PTPN23: variants seen among roughly 807,000 people sequenced by gnomAD.
PTPN23 encodes tyrosine-protein phosphatase non-receptor type 23.
In PTPN23, 72 loss-of-function variants were observed where a neutral mutation model predicts 156.3. The ratio of observed to expected loss-of-function variants is 0.46; its 90% CI spans 0.38 to 0.56. The LOEUF (loss-of-function observed/expected upper bound fraction) is 0.56, where lower values mean the gene tolerates loss of function less well. Among genes scored for constraint, PTPN23 ranks in the 20% least tolerant of loss-of-function variants. The pLI is 0.00. For missense variants in PTPN23, 1,974 were observed against 2,171.5 expected (o/e 0.91, Z 1.81); for synonymous variants, 957 against 899.6 (o/e 1.06, Z -1.14).
intron 15 of PTPN23, 54 bp from the exon 16 acceptor site, chr3:47,408,722 A>G: frequency 1.3e-6 from 2 of 1,543,014 alleles, no homozygotes; most frequent in South Asian, 1.3e-5. Flanking sequence ...GGAGGGGCCC[A>G]TGGGTGCCCG....
At position 47,412,954 on chromosome 3, in the gene PTPN23, G is replaced by C; in HGVS notation, c.4680G>C (p.Glu1560Asp). The C allele has an allele frequency of 6.2e-7, 1 of 1,604,408 alleles. No individual in the cohort carries two copies. Among genetic ancestry groups the C allele is most frequent in the Non-Finnish European group, 8.5e-7 (1 of 1,175,624 alleles). Reference sequence around the variant, plus strand: ...TACCTGAGGCTCCCCAGCCTAAGGAGGAGCCGCCAGTGCCTGAAGCCCCCA... The same window carrying C: ...TACCTGAGGCTCCCCAGCCTAAGGACGAGCCGCCAGTGCCTGAAGCCCCCA... ...SPLPEAPQPK[E>D]EPPVPEAPSS... Residue 1560 changes from glutamate to aspartate, a missense_variant, in exon 25 of 25, where the codon GAG (glutamate) becomes GAC (aspartate). Transcript: ENST00000265562.
rs764744006 is a variant in PTPN23 at position 47,406,775 on chromosome 3, G to T, written c.807+25G>T. The stretch of plus-strand genomic sequence containing the variant: ...GGTGAGCTACAGCGAGGAGGGGACT[G>T]GGGACCAATGGCAGCCTTCAGTGAG... On this transcript the variant is annotated intron_variant, in intron 9 of 24. Coordinates refer to ENST00000265562, the MANE Select transcript of PTPN23 (RefSeq NM_015466.4). This position sits in a 1 kb window ranked among gnomAD's most constrained non-coding sequence, Gnocchi z 5.8. 14 of 1,612,756 alleles carry T rather than the reference G, an allele frequency of 8.7e-6. No individual in the cohort carries two copies. The highest frequency in any genetic ancestry group is 1.1e-5 in the South Asian group (1 of 90,998).
Position 47,410,597 on chromosome 3 carries a change from G to A in PTPN23, c.2799G>A (p.Pro933=), listed in dbSNP as rs900689. ...CTGCAGGGGCTAAGCAACCCATCCCGGCACAGCACCACTTCTCTTCTGGGA... is the reference window on the plus strand; with the variant it reads ...CTGCAGGGGCTAAGCAACCCATCCCAGCACAGCACCACTTCTCTTCTGGGA... ...TYPAGAKQPI[P]AQHHFSSGIP... Residue 933 remains proline (P), a synonymous_variant, in exon 20 of 25, where the codon CCG becomes CCA. Coordinates refer to ENST00000265562, the MANE Select transcript of PTPN23 (RefSeq NM_015466.4). The A allele has an allele frequency of 0.99, 1,599,177 of 1,612,000 alleles. 793,876 individuals are homozygous for A. The highest frequency in any genetic ancestry group is 1 in the East Asian group (44,748 of 44,748).
At position 47,404,657 on chromosome 3, in the gene PTPN23, T is replaced by C; in HGVS notation, c.165T>C (p.Ala55=). Residue 55 remains alanine (A), a synonymous_variant, in exon 3 of 25, where the codon GCT becomes GCC. Coordinates refer to ENST00000265562, the MANE Select transcript of PTPN23 (RefSeq NM_015466.4). ...LKKLELLRQN[A]VRVPRDFEGC... The stretch of plus-strand genomic sequence containing the variant: ...TCTCCCATCCTGCCCCCCAGAATGC[T>C]GTCCGTGTCCCACGAGACTTTGAGG... 1.2e-6 allele frequency: 2 copies of C among 1,613,688 alleles called. No homozygotes were observed. Among genetic ancestry groups the C allele is most frequent in the Non-Finnish European group, 1.7e-6 (2 of 1,179,768 alleles).
intron 1 of PTPN23, among the ~76,000 whole-genome samples, chr3:47,386,154 G>A (rs1327045620): frequency 6.6e-6 from 1 of 152,006 alleles, no homozygotes; most frequent in African/African-American, 2.4e-5. Flanking sequence ...ACCACAGAGT[G>A]CACGCTGGTT....
At position 47,409,891 on chromosome 3, in the gene PTPN23, G is replaced by C. The variant is rs373485788; in HGVS notation, c.2130-37G>C. ...CGGGTCCAGACAGGCTGGGGTGATG[G>C]GAGCCTGGCCCCACTTTTTCCTTGC... On this transcript the variant is annotated intron_variant, in intron 19 of 24. Transcript: ENST00000265562. 4 of 1,579,588 alleles carry C rather than the reference G, an allele frequency of 2.5e-6. No homozygotes were observed. In the African/African-American group the frequency reaches 5.4e-5, roughly 21 times the overall value.
chr3:47,382,365 A>G (rs1297673769), intron 1 of PTPN23, among the ~76,000 whole-genome samples: 2 of 142,952 alleles, frequency 1.4e-5, no homozygotes, highest in African/African-American at 5.4e-5. Context: ...CTTGTTGCCC[A>G]GGCTGGAGTG....
rs779729004 is a variant in PTPN23, at chr3:47,410,345, G to C, written c.2547G>C (p.Val849=). Reference sequence around the variant, plus strand: ...ATGGCGTGGTGAGCAGTCCCTATGTGGGGGTAGGGCCGGCCCCACCAGTTG... The same window carrying C: ...ATGGCGTGGTGAGCAGTCCCTATGTCGGGGTAGGGCCGGCCCCACCAGTTG... ...PQHGVVSSPY[V]GVGPAPPVAG... is the part of the protein sequence containing the mutation. Residue 849 remains valine, a synonymous_variant, in exon 20 of 25, where the codon GTG becomes GTC. Coordinates refer to ENST00000265562, the MANE Select transcript of PTPN23 (RefSeq NM_015466.4). The C allele has an allele frequency of 1.9e-6, 3 of 1,607,962 alleles. No individual in the cohort carries two copies. The highest frequency in any genetic ancestry group is 1.7e-5 in the Admixed American group (1 of 59,404).
chr3:47,407,259 T>A lies in PTPN23; in HGVS notation c.865-50T>A. 6.2e-7 allele frequency: 1 copy of A among 1,613,536 alleles called. No individual in the cohort carries two copies. The highest frequency in any genetic ancestry group is 1.1e-5 in the South Asian group (1 of 91,056). The stretch of plus-strand genomic sequence containing the variant: ...CGGTAGGACTGAGGGGGTGTCCTGG[T>A]GCCAGCCTTGGTTAGTGCTAAGGCC... On this transcript the variant is annotated intron_variant, in intron 10 of 24. Coordinates refer to ENST00000265562, the MANE Select transcript of PTPN23 (RefSeq NM_015466.4). This position sits in a 1 kb window ranked among gnomAD's most constrained non-coding sequence, Gnocchi z 4.0.
intron 1 of PTPN23, among the ~76,000 whole-genome samples, chr3:47,393,839 G>A (rs1704824068): frequency 6.6e-6 from 1 of 151,552 alleles, no homozygotes; most frequent in African/African-American, 2.4e-5. Flanking sequence ...CAACCTCCCA[G>A]GCTGATTCTC....
At chr3:47,395,334 T>C (rs1704856379) in intron 1 of PTPN23, among the ~76,000 whole-genome samples, 1 of 152,228 alleles carries the variant, frequency 6.6e-6, no homozygotes, top group South Asian at 2.1e-4. Context: ...ATAGTGTTTG[T>C]GGCGTGAGTG....
In PTPN23 at chr3:47,408,597, C is replaced by A. The variant is rs1007629693; in HGVS notation, c.1330+107C>A. 2.8e-5 allele frequency: 42 copies of A among 1,492,608 alleles called. No homozygotes were observed. In the Admixed American group the frequency reaches 8.0e-4, roughly 29 times the overall value. The allele number at this position is 1,492,608 out of a possible 1,614,324, so 92.5% of individuals were successfully genotyped here. A position where few individuals can be genotyped will look rare whatever the true frequency, so the allele number is the denominator to read the frequency against. On this transcript the variant is annotated intron_variant, in intron 15 of 24. Transcript: ENST00000265562. ...GGATGGAGGCTGCACCCCTCTAGGC[C>A]CTGGCTTGGGCATCCACACCCACTC...
chr3:47,404,540 T>C, intron 2 of PTPN23, 112 bp from the exon 3 acceptor site: 1 of 1,416,312 alleles, frequency 7.1e-7, no homozygotes, highest in Non-Finnish European at 9.8e-7. Flanking sequence ...GATCCCTTGG[T>C]GTGTGCAGTC....
intron 14 of PTPN23, 131 bp downstream of exon 14, chr3:47,408,086 C>T (rs919493648): frequency 2.8e-5 from 33 of 1,191,244 alleles, no homozygotes; most frequent in Admixed American, 2.2e-4. Context: ...GCTGCCTTCC[C>T]GCCTGGGGTG....
At position 47,408,403 on chromosome 3, in the gene PTPN23, A is replaced by G. The variant is rs1221037787; in HGVS notation, c.1243A>G (p.Ser415Gly). 8 of 1,614,042 alleles carry G rather than the reference A, an allele frequency of 5.0e-6. No individual in the cohort carries two copies. Among genetic ancestry groups the G allele is most frequent in the Non-Finnish European group, 5.9e-6 (7 of 1,180,020 alleles). ...GACGGTGGACAACCTTGATGCCTAC[A>G]GCCACATCCCACCCCAGCTCATGGA... ...PETVDNLDAY[S>G]HIPPQLMEKC... Residue 415 changes from serine (S) to glycine (G), a missense_variant, in exon 15 of 25, where the codon AGC becomes GGC. Ser to Gly is a moderately conservative substitution (Grantham distance 56). Coordinates refer to ENST00000265562, the MANE Select transcript of PTPN23 (RefSeq NM_015466.4).
intron 1 of PTPN23, among the ~76,000 whole-genome samples, chr3:47,393,856 C>G (rs1176553031): frequency 1.3e-5 from 2 of 151,646 alleles, no homozygotes; most frequent in Non-Finnish European, 2.9e-5. Context: ...TCTCCCACCT[C>G]TCCCTCTTGA....
chr3:47,398,649 T>TC (rs1704929842), intron 2 of PTPN23, among the ~76,000 whole-genome samples: 1 of 150,598 alleles, frequency 6.6e-6, no homozygotes, highest in Non-Finnish European at 1.5e-5. Context: ...CACTGCAGCC[T>TC]CCATCTCCCC....
At chr3:47,385,130 C>T (rs552653133) in intron 1 of PTPN23, among the ~76,000 whole-genome samples, 1 of 152,190 alleles carries the variant, frequency 6.6e-6, no homozygotes, top group East Asian at 1.9e-4. Context: ...GCTTTGGAGG[C>T]CAGAGTGCTG....
At position 47,411,391 on chromosome 3, in the gene PTPN23, T is replaced by C; in HGVS notation, c.3593T>C (p.Leu1198Pro). The C allele has an allele frequency of 6.2e-7, 1 of 1,613,012 alleles. No homozygotes were observed. The highest frequency in any genetic ancestry group is 8.5e-7 in the Non-Finnish European group (1 of 1,180,012). Residue 1198 changes from leucine to proline, a missense_variant, in exon 20 of 25, where the codon CTG becomes CCG. By Grantham distance (98) the Leu-to-Pro change is moderately conservative. Transcript: ENST00000265562. This position sits in a 1 kb window ranked among gnomAD's most constrained non-coding sequence, Gnocchi z 6.3. ...VGALDTVWRELQDAQEHDARG... is the reference protein window; with the variant it reads ...VGALDTVWREPQDAQEHDARG... ...GCTCTGGACACTGTCTGGCGAGAGC[T>C]GCAAGATGCGCAGGAACATGATGCC...
Sources: allele counts gnomAD v4.1 joint callset (sites outside exome capture counted in the v4.1 genomes callset), GRCh38; gene constraint gnomAD v4.1.1; non-coding constraint Gnocchi (gnomAD v3.1); transcripts MANE v1.5; gene names NCBI Gene and HGNC (gene_info 2026-07-23, HGNC 2026-07-21).